ATP13A2: variants seen among roughly 807,000 people sequenced by gnomAD.
ATP13A2 encodes the protein polyamine-transporting ATPase 13A2.
ATP13A2 carries 83 observed loss-of-function variants against 138.3 expected under a neutral mutation model. The ratio of observed to expected loss-of-function variants is 0.60; its 90% confidence interval spans 0.50 to 0.72. The LOEUF is 0.72. Among genes scored for constraint, ATP13A2 ranks in the 30% least tolerant of loss-of-function variants. The probability of loss-of-function intolerance (pLI) is 0.00; values close to 1 mark genes in which losing one functional copy is unlikely to be tolerated. For missense variants in ATP13A2, 1,402 were observed against 1,606.4 expected (o/e 0.87, Z 2.17); for synonymous variants, 663 against 699.0 (o/e 0.95, Z 0.81).
At chr1:17,000,216 G>A in intron 10 of ATP13A2, 30 bp downstream of exon 10, 1 of 793,860 alleles carries the variant, frequency 1.3e-6, no homozygotes, top group Non-Finnish European at 1.5e-6. Context: ...TCCCACTCCT[G>A]CCCCCGCCCC....
chr1:16,997,021 T>C lies in ATP13A2; in HGVS notation c.1194A>G (p.Thr398=). 1 of 1,611,882 alleles carries C rather than the reference T, an allele frequency of 6.2e-7. No homozygotes were observed. The highest frequency in any genetic ancestry group is 8.5e-7 in the Non-Finnish European group (1 of 1,179,864). The part of the protein sequence containing the change: ...GPHVLAVVTR[T]GFCTAKGGLV... ...CAAGCCCAGCCTCCCGGCTCATACC[T>C]GTGCGGGTCACCACTGCCAGGACGT... Residue 398 remains threonine (T), a splice_region_variant and synonymous_variant, in exon 12 of 29, where the codon ACA becomes ACG. Coordinates refer to ENST00000326735, the MANE Select transcript of ATP13A2 (RefSeq NM_022089.4).
chr1:17,008,049 C>T (rs548659481), intron 1 of ATP13A2, among the ~76,000 whole-genome samples: 1 of 151,736 alleles, frequency 6.6e-6, no homozygotes, highest in African/African-American at 2.4e-5. Flanking sequence ...TTCATTCATT[C>T]ATTCATTCAT....
At position 16,991,777 on chromosome 1, in the gene ATP13A2, G is replaced by C. The variant is rs1372021672; in HGVS notation, c.2208C>G (p.Ile736Met). The change falls in exon 20 of 29, where the codon ATC (isoleucine) becomes ATG (methionine). Residue 736 changes from isoleucine to methionine, a missense_variant. Ile to Met is a conservative substitution (Grantham distance 10). Transcript: ENST00000326735. ...NLLKPQTTPV[I>M]QALRRTRIRA... is the part of the protein sequence containing the mutation. Reference sequence around the variant, plus strand: ...GGATGCGGGTCCTTCGCAGAGCCTGGATAACTGGCGTTGTCTGCGGCTTCA... The same window carrying C: ...GGATGCGGGTCCTTCGCAGAGCCTGCATAACTGGCGTTGTCTGCGGCTTCA... 6.2e-7 allele frequency: 1 copy of C among 1,614,188 alleles called. No individual in the cohort carries two copies. Among genetic ancestry groups the C allele is most frequent in the Admixed American group, 1.7e-5 (1 of 60,032 alleles).
At chr1:17,003,585 CCACACACACACACACACACA>C (rs540533484) in intron 6 of ATP13A2, among the ~76,000 whole-genome samples, 3 of 132,988 alleles carry the variant, frequency 2.3e-5, no homozygotes, top group Non-Finnish European at 3.1e-5. Flanking sequence ...ACCAAAAAAA[CCACACACACACACACACACA>C]CACACACACA....
intron 19 of ATP13A2, 25 bp downstream of exon 19, chr1:16,991,984 T>G: frequency 6.2e-7 from 1 of 1,609,888 alleles, no homozygotes; most frequent in Non-Finnish European, 8.5e-7. Flanking sequence ...GTCCTCAGAG[T>G]GGGTGGGACA....
intron 1 of ATP13A2, among the ~76,000 whole-genome samples, chr1:17,006,898 C>A (rs1018272795): frequency 9.4e-5 from 14 of 149,484 alleles, no homozygotes; most frequent in Non-Finnish European, 1.8e-4. Context: ...TGCAGATATT[C>A]TTTTTTTTTT....
chr1:16,997,119 C>T lies in ATP13A2; in HGVS notation c.1096G>A (p.Ala366Thr), dbSNP rs1370659952. The T allele has an allele frequency of 6.2e-7, 1 of 1,613,782 alleles. No individual in the cohort carries two copies. Among genetic ancestry groups the T allele is most frequent in the Non-Finnish European group, 8.5e-7 (1 of 1,180,034 alleles). The change falls in exon 12 of 29, where the codon GCA (alanine) becomes ACA (threonine). Residue 366 changes from alanine (A) to threonine (T), a missense_variant. Ala to Thr is a moderately conservative substitution (Grantham distance 58). Transcript: ENST00000326735. ...ALPEGLGPYC[A>T]ETHRRHTLFC... ...AGTGTGTGCCGCCGGTGTGTCTCTG[C>T]ACAGTAGGGCCCCAGCCCCTCCGGC...
chr1:16,986,391 C>G lies in ATP13A2; in HGVS notation c.3406-33G>C, dbSNP rs769086688. Reference sequence around the variant, plus strand: ...GGGCAGGGAGGGTGTCAGGGGCAGCCGGGGCTGAGCTGGGGTCAATGCACC... The same window carrying G: ...GGGCAGGGAGGGTGTCAGGGGCAGCGGGGGCTGAGCTGGGGTCAATGCACC... On this transcript the variant is annotated intron_variant, in intron 28 of 28. Transcript: ENST00000326735. The surrounding 1 kb of genome is among the most constrained non-coding windows in gnomAD (Gnocchi z 6.9). The G allele has an allele frequency of 6.3e-7, 1 of 1,593,196 alleles. No individual in the cohort carries two copies. The highest frequency in any genetic ancestry group is 1.1e-5 in the South Asian group (1 of 89,268).
chr1:17,001,068 T>G (rs375829996), intron 8 of ATP13A2, among the ~76,000 whole-genome samples: 33 of 152,062 alleles, frequency 2.2e-4, no homozygotes, highest in African/African-American at 7.5e-4. Context: ...CACCATTAGC[T>G]CCATTCTACA....
At position 16,988,204 on chromosome 1, in the gene ATP13A2, G is replaced by C; in HGVS notation, c.2793C>G (p.Phe931Leu). Residue 931 changes from phenylalanine to leucine, a missense_variant, in exon 25 of 29, where the codon TTC (phenylalanine) becomes TTG (leucine). By Grantham distance (22) the Phe-to-Leu change is conservative (BLOSUM62 0). Transcript: ENST00000326735. ...ACAGAGCCATGTACTTGAAGACGCT[G>C]AACGAAGTGTCAAGGGAACAGCGCC... ...REGRCSLDTS[F>L]SVFKYMALYS... The C allele has an allele frequency of 6.2e-7, 1 of 1,614,184 alleles. No homozygotes were observed. The highest frequency in any genetic ancestry group is 8.5e-7 in the Non-Finnish European group (1 of 1,180,034).
In ATP13A2 at chr1:16,996,046, T is replaced by C. The variant is rs2077108080; in HGVS notation, c.1472A>G (p.Gln491Arg). The C allele has an allele frequency of 6.2e-7, 1 of 1,613,978 alleles. No individual in the cohort carries two copies. Among genetic ancestry groups the C allele is most frequent in the South Asian group, 1.1e-5 (1 of 91,092 alleles). ...CAGTGGGTGGATGCAGAAAATGCCC[T>C]GTCTCCGCAGTCGGCTCTGGGCGTA... ...TLYAQSRLRR[Q>R]GIFCIHPLRI... Residue 491 changes from glutamine to arginine, a missense_variant, in exon 15 of 29, where the codon CAG becomes CGG. By Grantham distance (43) the Gln-to-Arg change is conservative. Transcript: ENST00000326735.
At chr1:17,008,887 C>T (rs2077668964) in intron 1 of ATP13A2, among the ~76,000 whole-genome samples, 1 of 151,396 alleles carries the variant, frequency 6.6e-6, no homozygotes, top group Non-Finnish European at 1.5e-5. Context: ...TGGTGTGAAC[C>T]CAGAAGGTGG....
chr1:16,995,781 T>C lies in ATP13A2; in HGVS notation c.1542+195A>G. The C allele has an allele frequency of 1.3e-6, 1 of 757,526 alleles. No homozygotes were observed. The highest frequency in any genetic ancestry group is 2.3e-6 in the Non-Finnish European group (1 of 441,450). The allele number at this position is 757,526 out of a possible 1,614,324, so 46.9% of individuals were successfully genotyped here. A position where few individuals can be genotyped will look rare whatever the true frequency, so the allele number is the denominator to read the frequency against. On this transcript the variant is annotated intron_variant, in intron 15 of 28. Transcript: ENST00000326735. The surrounding 1 kb of genome is among the most constrained non-coding windows in gnomAD (Gnocchi z 4.1). ...TCTTGAACACATGAATACATGATTCTAGACATTTCATCTGCCAGACCGTGA... is the reference window on the plus strand; with the variant it reads ...TCTTGAACACATGAATACATGATTCCAGACATTTCATCTGCCAGACCGTGA...
intron 1 of ATP13A2, among the ~76,000 whole-genome samples, chr1:17,009,398 T>TTC (rs1315933027): frequency 4.0e-5 from 6 of 148,902 alleles, no homozygotes; most frequent in African/African-American, 1.5e-4. Context: ...TTTTTTTTTT[T>TTC]TTTTTTTTTT....
rs1415173041 is a variant in ATP13A2 at position 16,987,087 on chromosome 1, G to T, written c.3042C>A (p.Gly1014=). Reference sequence around the variant, plus strand: ...TCAGGAAGTAGCCCCCTAGCTGCACGCCGGTCACCAGGACCATCTGCAGCA... The same window carrying T: ...TCAGGAAGTAGCCCCCTAGCTGCACTCCGGTCACCAGGACCATCTGCAGCA... ...SLLLQMVLVT[G]VQLGGYFLTL... Residue 1014 remains glycine (G), a synonymous_variant, in exon 26 of 29, where the codon GGC becomes GGA. Coordinates refer to ENST00000326735, the MANE Select transcript of ATP13A2 (RefSeq NM_022089.4). 6.2e-7 allele frequency: 1 copy of T among 1,613,348 alleles called. No homozygotes were observed. Among genetic ancestry groups the T allele is most frequent in the Non-Finnish European group, 8.5e-7 (1 of 1,179,978 alleles).
chr1:17,009,359 AG>A (rs1477855736), intron 1 of ATP13A2, among the ~76,000 whole-genome samples: 2 of 140,034 alleles, frequency 1.4e-5, no homozygotes, highest in African/African-American at 5.2e-5. Context: ...AGGTGCTGGG[AG>A]TTGGGGGGAG....
Position 17,005,173 on chromosome 1 carries a change from G to A in ATP13A2, c.289-101C>T, listed in dbSNP as rs1570893316. 7.8e-6 allele frequency: 12 copies of A among 1,546,398 alleles called. No individual in the cohort carries two copies. The African/African-American group carries it at 9.5e-5, about 12-fold the overall frequency. On this transcript the variant is annotated intron_variant, in intron 3 of 28. Transcript: ENST00000326735. ...CCCTGCTGGAGAAGGCAGAAATCAAGGCTATGGAGAGCCCTCCAGAAACCA... is the reference window on the plus strand; with the variant it reads ...CCCTGCTGGAGAAGGCAGAAATCAAAGCTATGGAGAGCCCTCCAGAAACCA...
chr1:16,996,213 G>T (rs199814531), intron 14 of ATP13A2, 41 bp downstream of exon 14: 5 of 1,614,132 alleles, frequency 3.1e-6, no homozygotes, highest in Non-Finnish European at 8.5e-7. Flanking sequence ...TGGCCCCTGG[G>T]CCCTGCTGGC....
chr1:16,991,953 G>GT, intron 19 of ATP13A2, 56 bp downstream of exon 19: 2 of 1,609,158 alleles, frequency 1.2e-6, no homozygotes, highest in Non-Finnish European at 1.7e-6. Flanking sequence ...CTCTGCCTGC[G>GT]TGAGAGCCTC....
Sources: allele counts gnomAD v4.1 joint callset (sites outside exome capture counted in the v4.1 genomes callset), GRCh38; gene constraint gnomAD v4.1.1; non-coding constraint Gnocchi (gnomAD v3.1); transcripts MANE v1.5; gene names NCBI Gene and HGNC (gene_info 2026-07-23, HGNC 2026-07-21).